GRK2: variants seen among roughly 807,000 people sequenced by gnomAD.
GRK2 encodes the protein G protein-coupled receptor kinase 2, also known as adrenergic beta receptor kinase 1.
A neutral mutation model predicts 97.8 loss-of-function variants in GRK2; 23 were observed. The observed-to-expected ratio is 0.24, with a 90% CI of 0.17 to 0.33. GRK2 has a LOEUF of 0.33. Among genes scored for constraint, GRK2 ranks in the 10% least tolerant of loss-of-function variants. The pLI, the probability that GRK2 is intolerant of heterozygous loss-of-function variation, is 1.00. For synonymous variants in GRK2, 425 were observed against 381.7 expected (o/e 1.11, Z -1.32); for missense variants, 633 against 956.9 (o/e 0.66, Z 4.47).
intron 1 of GRK2, among the ~76,000 whole-genome samples, chr11:67,275,907 GT>G (rs1437483401): frequency 6.6e-6 from 1 of 152,176 alleles, no homozygotes; most frequent in East Asian, 1.9e-4. Flanking sequence ...GGGCAGGGCT[GT>G]TTGGAGCAGG....
chr11:67,281,844 C>T lies in GRK2; in HGVS notation c.849C>T (p.Leu283=), dbSNP rs1296589658. ...CAGGTGGGGACCTGCACTACCACCT[C>T]TCCCAGCACGGGGTCTTCTCAGAGG... ...LMNGGDLHYH[L]SQHGVFSEAD... The change falls in exon 11 of 21, where the codon CTC becomes CTT. Residue 283 remains leucine (L), a synonymous_variant. Coordinates refer to ENST00000308595, the MANE Select transcript of GRK2 (RefSeq NM_001619.5). The surrounding 1 kb of genome is among the most constrained non-coding windows in gnomAD (Gnocchi z 5.7). The T allele has an allele frequency of 6.2e-7, 1 of 1,613,760 alleles. No homozygotes were observed. Among genetic ancestry groups the T allele is most frequent in the Non-Finnish European group, 8.5e-7 (1 of 1,179,986 alleles).
chr11:67,267,082 C>G (rs927837295), intron 1 of GRK2, among the ~76,000 whole-genome samples: 9 of 152,102 alleles, frequency 5.9e-5, no homozygotes, highest in Non-Finnish European at 1.0e-4. Context: ...GTCCCCCTGG[C>G]CGCCCTGCTG....
At position 67,282,765 on chromosome 11, in the gene GRK2, C is replaced by A; in HGVS notation, c.1174C>A (p.Arg392=). The A allele has an allele frequency of 6.2e-7, 1 of 1,611,446 alleles. No individual in the cohort carries two copies. Among genetic ancestry groups the A allele is most frequent in the Non-Finnish European group, 8.5e-7 (1 of 1,179,788 alleles). ...TTTCTTGCCCAGGCACAGCCCCTTC[C>A]GGCAGCACAAGACCAAAGACAAGCA... The part of the protein sequence containing the change: ...FKLLRGHSPF[R]QHKTKDKHEI... The change falls in exon 14 of 21, where the codon CGG becomes AGG. Residue 392 remains arginine, a synonymous_variant. Coordinates refer to ENST00000308595, the MANE Select transcript of GRK2 (RefSeq NM_001619.5). The surrounding 1 kb of genome is among the most constrained non-coding windows in gnomAD (Gnocchi z 6.9).
At chr11:67,279,366 A>G (rs1338126194) in intron 3 of GRK2, 52 bp from the exon 4 acceptor site, 2 of 1,608,186 alleles carry the variant, frequency 1.2e-6, no homozygotes, top group African/African-American at 2.7e-5. Context: ...TGGTGTGGGC[A>G]TCCCCATTCC....
intron 7 of GRK2, 145 bp downstream of exon 7, chr11:67,280,928 G>T: frequency 8.6e-7 from 1 of 1,162,388 alleles, no homozygotes; most frequent in Non-Finnish European, 1.3e-6. Context: ...GGTCAGGGCC[G>T]GGATCCCAGC....
At chr11:67,267,781 G>C (rs1287884706) in intron 1 of GRK2, among the ~76,000 whole-genome samples, 1 of 152,216 alleles carries the variant, frequency 6.6e-6, no homozygotes, top group Admixed American at 6.5e-5. Context: ...TCTCAGCAGC[G>C]CATGGGGTGG....
Position 67,281,271 on chromosome 11 carries a change from C to T in GRK2, c.647+87C>T, listed in dbSNP as rs145793979. ...CAGGCCGGGTTCCACACAGGGCCAC[C>T]TGCTGCTCCATGCACTCCTGTCTTG... On this transcript the variant is annotated intron_variant, in intron 8 of 20. Coordinates refer to ENST00000308595, the MANE Select transcript of GRK2 (RefSeq NM_001619.5). The surrounding 1 kb of genome is among the most constrained non-coding windows in gnomAD (Gnocchi z 5.7). 227 of 1,262,292 alleles carry T rather than the reference C, an allele frequency of 1.8e-4. 1 individual carries two copies. In the African/African-American group the frequency reaches 2.8e-3, roughly 16 times the overall value. The allele number at this position is 1,262,292 out of a possible 1,614,324, so 78.2% of individuals were successfully genotyped here.
chr11:67,282,564 G>C lies in GRK2; in HGVS notation c.1160+22G>C. ...GGGGGTGAGTGGCCCATCCCAGGTG[G>C]GCAGGTGGGTTGGGGCTAAGAGAAG... On this transcript the variant is annotated intron_variant, in intron 13 of 20. Transcript: ENST00000308595. This position sits in a 1 kb window ranked among gnomAD's most constrained non-coding sequence, Gnocchi z 6.9. The C allele has an allele frequency of 6.2e-7, 1 of 1,608,998 alleles. No homozygotes were observed. The highest frequency in any genetic ancestry group is 8.5e-7 in the Non-Finnish European group (1 of 1,176,426).
intron 17 of GRK2, 46 bp from the exon 18 acceptor site, chr11:67,284,165 G>T: frequency 1.2e-6 from 2 of 1,608,286 alleles, no homozygotes; most frequent in Non-Finnish European, 1.7e-6. Context: ...TGGTATTCCG[G>T]CATCTCTGTC....
chr11:67,286,337 C>T lies in GRK2; in HGVS notation c.*887C>T, dbSNP rs965755961. 13 of 686,800 alleles carry T rather than the reference C, an allele frequency of 1.9e-5. No homozygotes were observed. The highest frequency in any genetic ancestry group is 2.6e-5 in the Non-Finnish European group (10 of 379,516). The allele number at this position is 686,800 out of a possible 1,614,324, so 42.5% of individuals were successfully genotyped here. On this transcript the variant is annotated 3_prime_UTR_variant, in exon 21 of 21. Transcript: ENST00000308595. Reference sequence around the variant, plus strand: ...CCCCCGCCCAGGCTGGCCAGCCCCACAGCCCACGTCCTGTCAGTGCCGCCG... The same window carrying T: ...CCCCCGCCCAGGCTGGCCAGCCCCATAGCCCACGTCCTGTCAGTGCCGCCG...
Position 67,282,934 on chromosome 11 carries a change from C to T in GRK2, c.1227+116C>T. ...GAGATCTGGGCCACTGACCCCTACT[C>T]TGGCCTCTGAGACAGACCTCCTGCC... is the stretch of plus-strand genomic sequence containing the variant. On this transcript the variant is annotated intron_variant, in intron 14 of 20. Transcript: ENST00000308595. This position sits in a 1 kb window ranked among gnomAD's most constrained non-coding sequence, Gnocchi z 6.9. 1 of 1,271,476 alleles carries T rather than the reference C, an allele frequency of 7.9e-7. No homozygotes were observed. Among genetic ancestry groups the T allele is most frequent in the Admixed American group, 2.0e-5 (1 of 50,630 alleles). The allele number at this position is 1,271,476 out of a possible 1,614,324, so 78.8% of individuals were successfully genotyped here. A position where few individuals can be genotyped will look rare whatever the true frequency, so the allele number is the denominator to read the frequency against.
chr11:67,282,133 A>G lies in GRK2; in HGVS notation c.958-138A>G. 1 of 1,191,288 alleles carries G rather than the reference A, an allele frequency of 8.4e-7. No homozygotes were observed. Among genetic ancestry groups the G allele is most frequent in the Non-Finnish European group, 1.2e-6 (1 of 830,968 alleles). 73.8% of individuals were successfully genotyped at this position (1,191,288 alleles called of 1,614,324 possible). On this transcript the variant is annotated intron_variant, in intron 11 of 20. Coordinates refer to ENST00000308595, the MANE Select transcript of GRK2 (RefSeq NM_001619.5). This position sits in a 1 kb window ranked among gnomAD's most constrained non-coding sequence, Gnocchi z 6.9. ...CTGGGTCCAGGTTGTAGCTGGGGAC[A>G]GGAGAGAGGACCCCCACCTTTGCCC... is the stretch of plus-strand genomic sequence containing the variant.
intron 15 of GRK2, 149 bp downstream of exon 15, chr11:67,283,377 A>G: frequency 1.4e-6 from 1 of 720,412 alleles, no homozygotes; most frequent in Non-Finnish European, 2.4e-6. Flanking sequence ...CAATGTTCTC[A>G]GAGTGGAGGG....
chr11:67,279,772 AG>A, intron 5 of GRK2, 66 bp from the exon 6 acceptor site: 1 of 1,612,776 alleles, frequency 6.2e-7, no homozygotes, highest in Non-Finnish European at 8.5e-7. Flanking sequence ...CTGGTCAGCC[AG>A]GGGTGGGGCC....
rs763738031 is a variant in GRK2, at chr11:67,266,832, G to GGCCCCGGCCCGACCCCGCGGGC, written c.113+30_113+51dup. The GGCCCCGGCCCGACCCCGCGGGC allele has an allele frequency of 8.4e-6, 10 of 1,192,044 alleles. No homozygotes were observed. The highest frequency in any genetic ancestry group is 8.0e-5 in the African/African-American group (5 of 62,284). The allele number at this position is 1,192,044 out of a possible 1,614,324, so 73.8% of individuals were successfully genotyped here. ...GCCCAGGTGAGGAGAAGCTGCCCGC[G>GGCCCCGGCCCGACCCCGCGGGC]GCCCCGGCCCGACCCCGCGGGCGCC... On this transcript the variant is annotated intron_variant, in intron 1 of 20. Transcript: ENST00000308595.
chr11:67,281,385 C>T lies in GRK2; in HGVS notation c.648-74C>T, dbSNP rs1370238127. On this transcript the variant is annotated intron_variant, in intron 8 of 20. Coordinates refer to ENST00000308595, the MANE Select transcript of GRK2 (RefSeq NM_001619.5). This position sits in a 1 kb window ranked among gnomAD's most constrained non-coding sequence, Gnocchi z 5.7. ...CGCTGGTCCTGGGTCTAGTCTTTCC[C>T]TCAAGCGCCCCCTGAGGCAGCCCTG... is the stretch of plus-strand genomic sequence containing the variant. 4.9e-6 allele frequency: 7 copies of T among 1,420,568 alleles called. No individual in the cohort carries two copies. The highest frequency in any genetic ancestry group is 1.4e-5 in the African/African-American group (1 of 70,890). 88.0% of individuals were successfully genotyped at this position (1,420,568 alleles called of 1,614,324 possible).
Position 67,282,855 on chromosome 11 carries a change from G to A in GRK2, c.1227+37G>A, listed in dbSNP as rs61763967. The A allele has an allele frequency of 7.6e-6, 12 of 1,574,476 alleles. No individual in the cohort carries two copies. The highest frequency in any genetic ancestry group is 5.2e-5 in the Admixed American group (3 of 57,814). On this transcript the variant is annotated intron_variant, in intron 14 of 20. Coordinates refer to ENST00000308595, the MANE Select transcript of GRK2 (RefSeq NM_001619.5). This position sits in a 1 kb window ranked among gnomAD's most constrained non-coding sequence, Gnocchi z 6.9. ...TCTCAGTGCAGGGCCGCAGGGGGCT[G>A]GGGGGAGCTCCTGTGGGTGCCAGGC...
intron 1 of GRK2, among the ~76,000 whole-genome samples, chr11:67,268,352 A>G (rs1213613772): frequency 6.6e-6 from 1 of 152,172 alleles, no homozygotes; most frequent in Admixed American, 6.5e-5. Flanking sequence ...AAAGGCCGTT[A>G]GGGCCTTTTT....
At chr11:67,277,204 G>T (rs1167176821) in intron 1 of GRK2, 68 bp from the exon 2 acceptor site, 2 of 1,516,182 alleles carry the variant, frequency 1.3e-6, no homozygotes, top group East Asian at 2.3e-5. Context: ...CCCTCAGCTC[G>T]CGTTTCTGGG....
Sources: allele counts gnomAD v4.1 joint callset (sites outside exome capture counted in the v4.1 genomes callset), GRCh38; gene constraint gnomAD v4.1.1; non-coding constraint Gnocchi (gnomAD v3.1); transcripts MANE v1.5; gene names NCBI Gene and HGNC (gene_info 2026-07-23, HGNC 2026-07-21).